The following TBC1D5 variants were observed in gnomAD, a reference collection of about 807,000 sequenced individuals.
The protein encoded by TBC1D5 is TBC1 domain family member 5.
TBC1D5 carries 75 observed loss-of-function variants against 100.3 expected under a neutral mutation model. The ratio of observed to expected loss-of-function variants is 0.75; its 90% CI spans 0.62 to 0.91. The LOEUF (loss-of-function observed/expected upper bound fraction) is 0.91. TBC1D5 is among the 40% of genes least tolerant of loss of function. The pLI, the probability that TBC1D5 is intolerant of heterozygous loss-of-function variation, is 0.00. For missense variants in TBC1D5, 910 were observed against 942.4 expected, an observed-to-expected ratio of 0.97 and a Z score of 0.45; for synonymous variants, 323 against 325.6, an observed-to-expected ratio of 0.99 and a Z score of 0.09.
intron 1 of TBC1D5, among the ~76,000 whole-genome samples, chr3:17,679,400 G>A (rs1197374066): frequency 6.6e-6 from 1 of 151,232 alleles, no homozygotes; most frequent in African/African-American, 2.5e-5. Context: ...CAATTTTAAC[G>A]CATTTATTAT....
At chr3:17,638,327 TC>T (rs1022308240) in intron 1 of TBC1D5, among the ~76,000 whole-genome samples, 16 of 151,980 alleles carry the variant, frequency 1.1e-4, no homozygotes, top group Admixed American at 2.0e-4. Context: ...CTCATCTCCC[TC>T]CAATCCCCCT....
intron 4 of TBC1D5, among the ~76,000 whole-genome samples, chr3:17,421,469 T>G (rs1165642301): frequency 2.0e-5 from 3 of 152,158 alleles, no homozygotes; most frequent in African/African-American, 7.2e-5. Context: ...CATAGATACA[T>G]CTGATTCTTT....
At chr3:17,582,939 G>A (rs971011986) in intron 2 of TBC1D5, among the ~76,000 whole-genome samples, 1 of 152,130 alleles carries the variant, frequency 6.6e-6, no homozygotes, top group African/African-American at 2.4e-5. Context: ...AGAACTGAAT[G>A]ATAGTCTGAA....
intron 13 of TBC1D5, among the ~76,000 whole-genome samples, chr3:17,312,237 T>A (rs17043354): frequency 0.011 from 1,657 of 152,128 alleles, 25 homozygotes; most frequent in African/African-American, 0.037. Flanking sequence ...TAGAAAACAG[T>A]CACAAAAAAT....
At chr3:17,605,634 G>C (rs1044451700) in intron 2 of TBC1D5, among the ~76,000 whole-genome samples, 1 of 152,102 alleles carries the variant, frequency 6.6e-6, no homozygotes, top group Admixed American at 6.6e-5. Context: ...GGAAAACAAA[G>C]TTCACCTAAG....
At chr3:17,197,354 C>T (rs2070833580) in intron 18 of TBC1D5, among the ~76,000 whole-genome samples, 1 of 152,106 alleles carries the variant, frequency 6.6e-6, no homozygotes, top group Admixed American at 6.5e-5. Context: ...ATTTTCCCCA[C>T]AAGCCCTGGG....
intron 13 of TBC1D5, among the ~76,000 whole-genome samples, chr3:17,366,569 T>C (rs2092143377): frequency 6.6e-6 from 1 of 152,162 alleles, no homozygotes; most frequent in Non-Finnish European, 1.5e-5. Context: ...TAATCCTTCA[T>C]ATTTCATGTA....
At chr3:17,490,119 T>TA (rs1427224198) in intron 3 of TBC1D5, among the ~76,000 whole-genome samples, 1 of 152,172 alleles carries the variant, frequency 6.6e-6, no homozygotes. Flanking sequence ...TTTTTTAGTA[T>TA]ATCTTTTTGG....
At chr3:17,675,629 T>C (rs1194274616) in intron 1 of TBC1D5, among the ~76,000 whole-genome samples, 2 of 152,158 alleles carry the variant, frequency 1.3e-5, no homozygotes, top group African/African-American at 4.8e-5. Flanking sequence ...TTATATTTCC[T>C]ACCTTTAAAG....
At chr3:17,406,701 C>T (rs941996686) in intron 4 of TBC1D5, 175 bp from the exon 5 acceptor site, 17 of 562,436 alleles carry the variant, frequency 3.0e-5, no homozygotes, top group African/African-American at 9.7e-5. Flanking sequence ...ACAGTTCTTC[C>T]GTAGATTTAA....
Position 17,233,664 on chromosome 3 carries a change from A to G in TBC1D5, c.1588+4499T>C, listed in dbSNP as rs760506763. 6 of 1,417,774 alleles carry G rather than the reference A, an allele frequency of 4.2e-6. 1 individual carries two copies. In the South Asian group the frequency reaches 7.9e-5, roughly 19 times the overall value. 87.8% of individuals were successfully genotyped at this position (1,417,774 alleles called of 1,614,324 possible). A position where few individuals can be genotyped will look rare whatever the true frequency, so the allele number is the denominator to read the frequency against. Reference sequence around the variant, plus strand: ...CTGTAGGCAAAGAAAAAGAAACACTATGTTGTTATGGTAACTGTACCTTGG... The same window carrying G: ...CTGTAGGCAAAGAAAAAGAAACACTGTGTTGTTATGGTAACTGTACCTTGG... On this transcript the variant is annotated intron_variant, in intron 17 of 21. Coordinates refer to ENST00000253692, the Ensembl canonical transcript of TBC1D5.
At chr3:17,396,071 C>T (rs1452907434) in intron 8 of TBC1D5, among the ~76,000 whole-genome samples, 1 of 152,074 alleles carries the variant, frequency 6.6e-6, no homozygotes, top group Non-Finnish European at 1.5e-5. Flanking sequence ...GAAACACACA[C>T]AGGTTGCCGA....
At chr3:17,377,539 G>C (rs760922468) in intron 9 of TBC1D5, among the ~76,000 whole-genome samples, 3 of 151,946 alleles carry the variant, frequency 2.0e-5, no homozygotes, top group Non-Finnish European at 4.4e-5. Flanking sequence ...AGTAACTAGG[G>C]ATGCTCTTTT....
chr3:17,326,973 A>G (rs1480817194), intron 13 of TBC1D5, among the ~76,000 whole-genome samples: 2 of 152,140 alleles, frequency 1.3e-5, no homozygotes, highest in African/African-American at 4.8e-5. Context: ...TGTACCTTCA[A>G]AATACATTCA....
At chr3:17,346,184 G>T (rs977415717) in intron 13 of TBC1D5, among the ~76,000 whole-genome samples, 4 of 152,054 alleles carry the variant, frequency 2.6e-5, no homozygotes, top group African/African-American at 9.7e-5. Flanking sequence ...ACAATTGGAT[G>T]GTAAAGTTTA....
intron 3 of TBC1D5, among the ~76,000 whole-genome samples, chr3:17,503,317 T>TCCA: frequency 6.7e-6 from 1 of 149,638 alleles, no homozygotes; most frequent in East Asian, 1.9e-4. Context: ...CCTTCCTTGA[T>TCCA]CCACCATTAC....
At chr3:17,266,915 G>C (rs1384496486) in intron 15 of TBC1D5, among the ~76,000 whole-genome samples, 2 of 151,554 alleles carry the variant, frequency 1.3e-5, no homozygotes, top group African/African-American at 2.4e-5. Context: ...ATTTAGAAGA[G>C]AAAAAGTTTA....
intron 13 of TBC1D5, among the ~76,000 whole-genome samples, chr3:17,353,123 A>G (rs1374197): frequency 0.51 from 78,009 of 151,894 alleles, 21,607 homozygotes; most frequent in African/African-American, 0.69. Context: ...AAGAAAATCC[A>G]TGGCACTGAT....
chr3:17,176,191 T>C (rs574478210), intron 19 of TBC1D5, among the ~76,000 whole-genome samples: 91 of 152,304 alleles, frequency 6.0e-4, no homozygotes, highest in African/African-American at 2.1e-3. Flanking sequence ...TTTCCTCCAC[T>C]GTACACTAGG....
Sources: allele counts gnomAD v4.1 joint callset (sites outside exome capture counted in the v4.1 genomes callset), GRCh38; gene constraint gnomAD v4.1.1; transcripts MANE v1.5; gene names NCBI Gene and HGNC (gene_info 2026-07-23, HGNC 2026-07-21).